CCDC169: variants seen among roughly 807,000 people sequenced by gnomAD.
The protein encoded by CCDC169 is coiled-coil domain-containing protein 169.
Under a neutral mutation model 36.0 loss-of-function variants are expected in CCDC169, and 30 were observed. That is an observed-to-expected ratio of 0.83 (90% CI 0.62 to 1.13). The LOEUF (loss-of-function observed/expected upper bound fraction) is 1.13, where lower values mean the gene tolerates loss of function less well. Ranked by LOEUF, CCDC169 falls within the 50% of genes most tolerant of loss-of-function variation. CCDC169 has a pLI of 0.00. For missense variants in CCDC169, 245 were observed against 245.9 expected (o/e 1.00, Z 0.03); for synonymous variants, 85 against 81.5 (o/e 1.04, Z -0.23).
intron 4 of CCDC169, among the ~76,000 whole-genome samples, chr13:36,264,680 C>T (rs1405834815): frequency 6.6e-6 from 1 of 152,150 alleles, no homozygotes; most frequent in African/African-American, 2.4e-5. Context: ...TCCTTTGTGA[C>T]TTAGACTATA....
At chr13:36,231,842 T>C (rs1054195455) in intron 7 of CCDC169, among the ~76,000 whole-genome samples, 6 of 152,210 alleles carry the variant, frequency 3.9e-5, no homozygotes, top group African/African-American at 1.4e-4. Flanking sequence ...ATAAGAGCCA[T>C]GTTTTCTTGT....
intron 4 of CCDC169, among the ~76,000 whole-genome samples, chr13:36,257,702 AAAAAAAAG>A (rs1348249040): frequency 6.6e-6 from 1 of 151,348 alleles, no homozygotes; most frequent in Non-Finnish European, 1.5e-5. Flanking sequence ...ACTCCAACTA[AAAAAAAAG>A]AAAAAAAGAA....
intron 4 of CCDC169, among the ~76,000 whole-genome samples, chr13:36,274,789 A>T (rs1876545240): frequency 6.6e-6 from 1 of 151,862 alleles, no homozygotes; most frequent in East Asian, 1.9e-4. Context: ...CTGTTTACAC[A>T]CCTGAAATAA....
At chr13:36,262,945 A>C (rs2138521693) in intron 4 of CCDC169, among the ~76,000 whole-genome samples, 1 of 152,312 alleles carries the variant, frequency 6.6e-6, no homozygotes, top group African/African-American at 2.4e-5. Context: ...TGAAAGAAGG[A>C]GAAAATACAA....
chr13:36,230,153 A>G (rs1870262240), downstream of CCDC169, among the ~76,000 whole-genome samples: 1 of 152,234 alleles, frequency 6.6e-6, no homozygotes, highest in South Asian at 2.1e-4. Context: ...GGTATTCATT[A>G]CTGGTGATAC....
chr13:36,278,161 C>G (rs1226071357), intron 4 of CCDC169, among the ~76,000 whole-genome samples: 2 of 152,222 alleles, frequency 1.3e-5, no homozygotes, highest in African/African-American at 2.4e-5. Flanking sequence ...TTTCCTTTAT[C>G]AAGGGAAAAC....
chr13:36,262,905 T>C (rs181212256), intron 4 of CCDC169, among the ~76,000 whole-genome samples: 1 of 152,206 alleles, frequency 6.6e-6, no homozygotes, highest in Admixed American at 6.5e-5. Context: ...TATAAAGCAG[T>C]GAAAACTCTT....
intron 2 of CCDC169, among the ~76,000 whole-genome samples, chr13:36,290,452 C>T (rs760708277): frequency 6.6e-6 from 1 of 152,140 alleles, no homozygotes; most frequent in Non-Finnish European, 1.5e-5. Flanking sequence ...GTTTGAAACA[C>T]TGCTAATACT....
At chr13:36,296,102 A>AT (rs1475297363) in intron 1 of CCDC169, among the ~76,000 whole-genome samples, 2 of 152,060 alleles carry the variant, frequency 1.3e-5, no homozygotes, top group South Asian at 2.1e-4. Context: ...ATTTTTATTT[A>AT]TTTTTTTGAG....
intron 2 of CCDC169, among the ~76,000 whole-genome samples, chr13:36,285,614 G>GATAGATAGCTAGATAGATAC (rs568184993): frequency 5.8e-5 from 8 of 138,180 alleles, no homozygotes; most frequent in South Asian, 2.3e-4. Flanking sequence ...TAGATAGATA[G>GATAGATAGCTAGATAGATAC]ATAGATACAT....
intron 2 of CCDC169, among the ~76,000 whole-genome samples, chr13:36,291,548 T>C (rs1015703619): frequency 3.9e-5 from 6 of 152,180 alleles, no homozygotes; most frequent in African/African-American, 1.2e-4. Context: ...TATTTCATGA[T>C]TGTATCCAAC....
intron 4 of CCDC169, chr13:36,274,587 C>T (rs543243377): frequency 5.9e-5 from 9 of 152,232 alleles, no homozygotes; most frequent in African/African-American, 1.4e-4. Context: ...TTAACAACAA[C>T]GAAAATCATA....
intron 4 of CCDC169, among the ~76,000 whole-genome samples, chr13:36,255,079 C>G (rs1873689348): frequency 6.6e-6 from 1 of 152,134 alleles, no homozygotes; most frequent in Non-Finnish European, 1.5e-5. Context: ...TGGCGGTCAT[C>G]CAGCTTTCCT....
intron 7 of CCDC169, among the ~76,000 whole-genome samples, chr13:36,243,436 T>G (rs9546854): frequency 0.41 from 61,286 of 151,044 alleles, 13,118 homozygotes; most frequent in Non-Finnish European, 0.48. Context: ...GGAGGCAGAA[T>G]TTGCAGTGAG....
chr13:36,285,408 G>C (rs930490367), intron 2 of CCDC169, among the ~76,000 whole-genome samples: 2 of 152,064 alleles, frequency 1.3e-5, no homozygotes, highest in African/African-American at 2.4e-5. Flanking sequence ...AAATTAGCCA[G>C]GCATGGTGGC....
downstream of CCDC169, chr13:36,225,761 T>TA (rs1012959882): frequency 1.3e-5 from 2 of 150,890 alleles, no homozygotes; most frequent in Non-Finnish European, 3.0e-5. Flanking sequence ...ATAACCCCAT[T>TA]AAAAAAAATG....
intron 7 of CCDC169, among the ~76,000 whole-genome samples, chr13:36,235,255 T>C (rs1870933023): frequency 1.3e-5 from 2 of 151,624 alleles, no homozygotes; most frequent in South Asian, 2.1e-4. Context: ...ATCATACATA[T>C]ATAAAACCAA....
At chr13:36,295,445 T>G (rs1436325788) in intron 2 of CCDC169, among the ~76,000 whole-genome samples, 1 of 152,168 alleles carries the variant, frequency 6.6e-6, no homozygotes, top group Non-Finnish European at 1.5e-5. Flanking sequence ...ACCTAGAAGT[T>G]AAGATATAAA....
chr13:36,245,716 G>T (rs1375591175), intron 7 of CCDC169, among the ~76,000 whole-genome samples: 2 of 152,144 alleles, frequency 1.3e-5, no homozygotes, highest in Non-Finnish European at 2.9e-5. Context: ...GACTAAAAAG[G>T]GTAGGGCTGA....
Sources: allele counts gnomAD v4.1 joint callset (sites outside exome capture counted in the v4.1 genomes callset), GRCh38; gene constraint gnomAD v4.1.1; transcripts MANE v1.5; gene names NCBI Gene and HGNC (gene_info 2026-07-23, HGNC 2026-07-21).